The following SPATA6 variants were observed in gnomAD, a reference collection of about 807,000 sequenced individuals.
SPATA6 encodes the protein spermatogenesis associated 6, also known as spermatogenesis-associated protein 6.
In SPATA6, 56 loss-of-function variants were observed where a neutral mutation model predicts 65.3. The ratio of observed to expected loss-of-function variants is 0.86; its 90% CI spans 0.69 to 1.07. SPATA6 has a LOEUF of 1.07. Ranked by LOEUF, SPATA6 falls within the 50% of genes least tolerant of loss-of-function variation. The pLI is 0.00. For missense variants in SPATA6, 590 were observed against 594.8 expected (o/e 0.99, Z 0.08); for synonymous variants, 199 against 213.2 (o/e 0.93, Z 0.58).
chr1:48,452,268 AAAGT>A (rs1280256061), intron 2 of SPATA6, among the ~76,000 whole-genome samples: 1 of 152,238 alleles, frequency 6.6e-6, no homozygotes, highest in African/African-American at 2.4e-5. Flanking sequence ...GGAAGGAAAG[AAAGT>A]GAGAAAGAAG....
In SPATA6 at chr1:48,378,361, G is replaced by T. The variant is rs923787136; in HGVS notation, c.909+6948C>A. 6.6e-5 allele frequency among the ~76,000 whole-genome samples: 10 copies of T among 152,228 alleles called. No homozygotes were observed. The South Asian group carries it at 1.9e-3, about 28-fold the overall frequency. On this transcript the variant is annotated intron_variant, in intron 9 of 12. Transcript: ENST00000371847. ...CAATAGCTTGAAAGGCAGATCACAT[G>T]GTTTCCAAGCTTATATCTCTAGGGA...
At chr1:48,468,079 A>G (rs537059626) in intron 1 of SPATA6, among the ~76,000 whole-genome samples, 1 of 152,254 alleles carries the variant, frequency 6.6e-6, no homozygotes, top group South Asian at 2.1e-4. Flanking sequence ...TATCCAAAGG[A>G]AATTAGTATA....
At chr1:48,274,016 C>CT in the SPATA6 span, among the ~76,000 whole-genome samples, 1 of 152,168 alleles carries the variant, frequency 6.6e-6, no homozygotes, top group African/African-American at 2.4e-5. Context: ...TGTTTCCTGA[C>CT]TTTTTAATGA....
intron 8 of SPATA6, among the ~76,000 whole-genome samples, chr1:48,391,556 T>G (rs1248765964): frequency 6.6e-6 from 1 of 152,174 alleles, no homozygotes; most frequent in Non-Finnish European, 1.5e-5. Flanking sequence ...GTTTATAATT[T>G]TATTCCTACA....
At chr1:48,313,633 C>G (rs888493412) in intron 11 of SPATA6, among the ~76,000 whole-genome samples, 3 of 152,134 alleles carry the variant, frequency 2.0e-5, no homozygotes, top group South Asian at 2.1e-4. Context: ...GAAACTGCAT[C>G]AACTAATGAG....
At chr1:48,288,883 G>A in the SPATA6 span, among the ~76,000 whole-genome samples, 62 of 152,356 alleles carry the variant, frequency 4.1e-4, 1 homozygote, top group Non-Finnish European at 3.7e-4. Flanking sequence ...GCAGCTCAAC[G>A]AGGCCTGCCT....
intron 3 of SPATA6, among the ~76,000 whole-genome samples, chr1:48,438,946 T>C (rs1028063447): frequency 1.3e-5 from 2 of 152,150 alleles, no homozygotes; most frequent in African/African-American, 2.4e-5. Flanking sequence ...ACAAAAGCTA[T>C]TACTGAAACT....
At position 48,472,071 on chromosome 1, in the gene SPATA6, T is replaced by C; in HGVS notation, c.-63A>G. 1.4e-6 allele frequency: 1 copy of C among 691,552 alleles called. No homozygotes were observed. The highest frequency in any genetic ancestry group is 2.0e-6 in the Non-Finnish European group (1 of 501,474). The allele number at this position is 691,552 out of a possible 1,614,324, so 42.8% of individuals were successfully genotyped here. A position where few individuals can be genotyped will look rare whatever the true frequency, so the allele number is the denominator to read the frequency against. ...CGGGCCCGAGTGAGGCGGGGAGACC[T>C]GGGGCTGGGCGGGGACGGGGAGGAG... On this transcript the variant is annotated 5_prime_UTR_variant, in exon 1 of 13. Coordinates refer to ENST00000371847, the MANE Select transcript of SPATA6 (RefSeq NM_019073.4).
chr1:48,436,070 C>A, intron 3 of SPATA6: 2 of 1,609,754 alleles, frequency 1.2e-6, no homozygotes, highest in Non-Finnish European at 1.7e-6. Flanking sequence ...GTTGATGAGC[C>A]AACCCTTTCC....
At chr1:48,322,978 G>A (rs1328384862) in intron 11 of SPATA6, among the ~76,000 whole-genome samples, 3 of 152,198 alleles carry the variant, frequency 2.0e-5, no homozygotes, top group Admixed American at 2.0e-4. Flanking sequence ...TGGTAGGAGT[G>A]TAAGTTACTT....
intron 11 of SPATA6, among the ~76,000 whole-genome samples, chr1:48,343,355 C>G (rs1224910658): frequency 6.6e-6 from 1 of 152,080 alleles, no homozygotes; most frequent in Non-Finnish European, 1.5e-5. Flanking sequence ...GGAAAACTAA[C>G]TGGTCACCTT....
chr1:48,333,449 C>G (rs926869771), intron 11 of SPATA6, among the ~76,000 whole-genome samples: 1 of 152,188 alleles, frequency 6.6e-6, no homozygotes, highest in African/African-American at 2.4e-5. Context: ...CCTCAACTTG[C>G]AGACAGTCTA....
chr1:48,391,296 G>T (rs1476653260), intron 8 of SPATA6, among the ~76,000 whole-genome samples: 3 of 151,312 alleles, frequency 2.0e-5, no homozygotes, highest in African/African-American at 7.3e-5. Flanking sequence ...AAGATCATTT[G>T]AACCAGGGAA....
the SPATA6 span, among the ~76,000 whole-genome samples, chr1:48,265,716 A>G: frequency 6.6e-6 from 1 of 152,162 alleles, no homozygotes; most frequent in Non-Finnish European, 1.5e-5. Flanking sequence ...AAACTTACAG[A>G]TGTTAAATTT....
At chr1:48,389,310 T>C (rs773269047) in intron 8 of SPATA6, among the ~76,000 whole-genome samples, 3 of 152,110 alleles carry the variant, frequency 2.0e-5, no homozygotes, top group Non-Finnish European at 2.9e-5. Flanking sequence ...CGACCAAATA[T>C]ACAAATCATC....
chr1:48,459,204 C>CAAAA (rs35079974), intron 1 of SPATA6, among the ~76,000 whole-genome samples: 494 of 64,826 alleles, frequency 7.6e-3, no homozygotes, highest in African/African-American at 0.011. Context: ...GACTCCATAT[C>CAAAA]AAAAAAAAAA....
At chr1:48,342,646 C>G (rs980381364) in intron 11 of SPATA6, among the ~76,000 whole-genome samples, 5 of 151,012 alleles carry the variant, frequency 3.3e-5, no homozygotes, top group Middle Eastern at 3.4e-3. Flanking sequence ...AAATATGACT[C>G]AATTTATAAA....
At position 48,401,200 on chromosome 1, in the gene SPATA6, T is replaced by C. The variant is rs1651128110; in HGVS notation, c.487-1556A>G. On this transcript the variant is annotated intron_variant, in intron 6 of 12. Coordinates refer to ENST00000371847, the MANE Select transcript of SPATA6 (RefSeq NM_019073.4). ...CAGTCCCTAGAACTCTTCCCCCAAG[T>C]TCTTTACACATTTTTAATATCTCTT... Among the ~76,000 whole-genome samples, 4 of 151,958 alleles carry C rather than the reference T, an allele frequency of 2.6e-5. No homozygotes were observed. In the South Asian group the frequency reaches 8.3e-4, roughly 32 times the overall value.
intron 3 of SPATA6, among the ~76,000 whole-genome samples, chr1:48,437,609 T>C (rs1655058831): frequency 6.6e-6 from 1 of 152,230 alleles, no homozygotes. Flanking sequence ...CCAGATTCTC[T>C]GGCCTTTTTA....
Sources: allele counts gnomAD v4.1 joint callset (sites outside exome capture counted in the v4.1 genomes callset), GRCh38; gene constraint gnomAD v4.1.1; transcripts MANE v1.5; gene names NCBI Gene and HGNC (gene_info 2026-07-23, HGNC 2026-07-21).